SMYD2: variants seen among roughly 807,000 people sequenced by gnomAD.
SMYD2 encodes the protein N-lysine methyltransferase SMYD2.
In SMYD2, 53 loss-of-function variants were observed where a neutral mutation model predicts 59.1. That is an observed-to-expected ratio of 0.90 (90% confidence interval 0.72 to 1.13). The LOEUF (loss-of-function observed/expected upper bound fraction) is 1.13, where lower values mean the gene tolerates loss of function less well. Ranked by LOEUF, SMYD2 falls within the 50% of genes most tolerant of loss-of-function variation. The probability of loss-of-function intolerance (pLI) is 0.00; values close to 1 mark genes in which losing one functional copy is unlikely to be tolerated. For synonymous variants in SMYD2, 208 were observed against 198.8 expected (o/e 1.05, Z -0.39); for missense variants, 494 against 544.7 (o/e 0.91, Z 0.93).
At position 214,336,878 on chromosome 1, in the gene SMYD2, CTG is replaced by C; in HGVS notation, c.*96_*97del. On this transcript the variant is annotated 3_prime_UTR_variant, in exon 12 of 12. Coordinates refer to ENST00000366957, the MANE Select transcript of SMYD2 (RefSeq NM_020197.3). ...AATTGCACACGTCACTCCAGCATCT[CTG>C]TAAAATAATTGGAATGAAAATACTT... 9.3e-7 allele frequency: 1 copy of C among 1,077,246 alleles called. No individual in the cohort carries two copies. Among genetic ancestry groups the C allele is most frequent in the Non-Finnish European group, 1.3e-6 (1 of 751,536 alleles). 66.7% of individuals were successfully genotyped at this position (1,077,246 alleles called of 1,614,324 possible). A position where few individuals can be genotyped will look rare whatever the true frequency, so the allele number is the denominator to read the frequency against.
At position 214,318,277 on chromosome 1, in the gene SMYD2, C is replaced by T; in HGVS notation, c.409+138C>T. The T allele has an allele frequency of 1.3e-6, 1 of 773,586 alleles. No individual in the cohort carries two copies. Among genetic ancestry groups the T allele is most frequent in the Non-Finnish European group, 2.0e-6 (1 of 492,312 alleles). The allele number at this position is 773,586 out of a possible 1,614,324, so 47.9% of individuals were successfully genotyped here. On this transcript the variant is annotated intron_variant, in intron 4 of 11. Coordinates refer to ENST00000366957, the MANE Select transcript of SMYD2 (RefSeq NM_020197.3). This position sits in a 1 kb window ranked among gnomAD's most constrained non-coding sequence, Gnocchi z 5.4. ...TTGATTACTAGTTTTTATTTTTACT[C>T]TTGTGCTGTTTCGAAAAGCACTTTT... is the stretch of plus-strand genomic sequence containing the variant.
Position 214,319,002 on chromosome 1 carries a change from G to C in SMYD2, c.534+19G>C. The stretch of plus-strand genomic sequence containing the variant: ...TGCACAGGTAAGGACGCTGGCAGCA[G>C]GTAACACTCAGTCTGGCCTTTCCCT... On this transcript the variant is annotated intron_variant, in intron 5 of 11. Coordinates refer to ENST00000366957, the MANE Select transcript of SMYD2 (RefSeq NM_020197.3). 6.2e-7 allele frequency: 1 copy of C among 1,612,650 alleles called. No individual in the cohort carries two copies. Among genetic ancestry groups the C allele is most frequent in the Non-Finnish European group, 8.5e-7 (1 of 1,179,326 alleles).
intron 2 of SMYD2, among the ~76,000 whole-genome samples, chr1:214,314,258 G>A (rs1657045262): frequency 6.6e-6 from 1 of 152,112 alleles, no homozygotes; most frequent in Non-Finnish European, 1.5e-5. Flanking sequence ...AATCTTTCCA[G>A]TGGTTGCCCT....
At chr1:214,304,603 G>C (rs1056589683) in intron 1 of SMYD2, among the ~76,000 whole-genome samples, 7 of 145,736 alleles carry the variant, frequency 4.8e-5, no homozygotes, top group African/African-American at 1.8e-4. Flanking sequence ...CCACTTGCTA[G>C]GTTGCACTTT....
At chr1:214,305,282 A>C (rs1310674112) in intron 2 of SMYD2, 32 bp downstream of exon 2, 5 of 1,598,694 alleles carry the variant, frequency 3.1e-6, no homozygotes, top group African/African-American at 2.7e-5. Context: ...GGGAGGGCCT[A>C]ATTTCCTCTG....
At position 214,332,212 on chromosome 1, in the gene SMYD2, T is replaced by C; in HGVS notation, c.1112+20T>C. ...CTACAGGTGATTGCAGAGGCTGTTC[T>C]AATCATCCACGGAGTGGAATTTGGT... On this transcript the variant is annotated intron_variant, in intron 10 of 11. Transcript: ENST00000366957. 1 of 1,612,206 alleles carries C rather than the reference T, an allele frequency of 6.2e-7. No homozygotes were observed. Among genetic ancestry groups the C allele is most frequent in the Admixed American group, 1.7e-5 (1 of 59,814 alleles).
At chr1:214,324,200 G>A (rs1484201731) in intron 5 of SMYD2, among the ~76,000 whole-genome samples, 1 of 152,224 alleles carries the variant, frequency 6.6e-6, no homozygotes, top group Non-Finnish European at 1.5e-5. Context: ...GCTTCCTAAA[G>A]TGCTGAGATT....
Position 214,317,970 on chromosome 1 carries a change from C to T in SMYD2, c.349-109C>T, listed in dbSNP as rs1329783754. Reference sequence around the variant, plus strand: ...GTCCTTGAGTAGCTTGTTTTACTTCCTTAAGAATTGTTACTTTTTCTTTAT... The same window carrying T: ...GTCCTTGAGTAGCTTGTTTTACTTCTTTAAGAATTGTTACTTTTTCTTTAT... On this transcript the variant is annotated intron_variant, in intron 3 of 11. Coordinates refer to ENST00000366957, the MANE Select transcript of SMYD2 (RefSeq NM_020197.3). The T allele has an allele frequency of 2.8e-6, 3 of 1,071,554 alleles. No homozygotes were observed. In the African/African-American group the frequency reaches 4.7e-5, roughly 17 times the overall value. 66.4% of individuals were successfully genotyped at this position (1,071,554 alleles called of 1,614,324 possible).
intron 2 of SMYD2, 57 bp from the exon 3 acceptor site, chr1:214,314,705 A>G: frequency 7.4e-7 from 1 of 1,358,178 alleles, no homozygotes; most frequent in Non-Finnish European, 1.0e-6. Flanking sequence ...CTCTCCTCTC[A>G]CACTTTATTC....
In SMYD2 at chr1:214,318,035, T is replaced by G. The variant is rs1657112123; in HGVS notation, c.349-44T>G. 6.5e-7 allele frequency: 1 copy of G among 1,550,080 alleles called. No homozygotes were observed. Among genetic ancestry groups the G allele is most frequent in the African/African-American group, 1.4e-5 (1 of 73,438 alleles). On this transcript the variant is annotated intron_variant, in intron 3 of 11. Coordinates refer to ENST00000366957, the MANE Select transcript of SMYD2 (RefSeq NM_020197.3). This position sits in a 1 kb window ranked among gnomAD's most constrained non-coding sequence, Gnocchi z 5.4. ...GAAAGTGCCACTTTATTACACTGGT[T>G]GTTAAAAAATCTGTATCTGTGTGAT...
chr1:214,316,043 T>C (rs979727256), intron 3 of SMYD2, among the ~76,000 whole-genome samples: 1 of 152,190 alleles, frequency 6.6e-6, no homozygotes, highest in African/African-American at 2.4e-5. Flanking sequence ...GAAAATGCCA[T>C]AGAACTTGTC....
At position 214,281,169 on chromosome 1, in the gene SMYD2, C is replaced by G. The variant is rs553870594; in HGVS notation, c.-86C>G. ...CGCCGGGCGGCTCCCACCCCGCCCCCCGCAGCTCTAGGTGACGCGTCTCCA... is the reference window on the plus strand; with the variant it reads ...CGCCGGGCGGCTCCCACCCCGCCCCGCGCAGCTCTAGGTGACGCGTCTCCA... On this transcript the variant is annotated 5_prime_UTR_variant, in exon 1 of 12. Coordinates refer to ENST00000366957, the MANE Select transcript of SMYD2 (RefSeq NM_020197.3). 1.9e-6 allele frequency: 2 copies of G among 1,056,198 alleles called. No individual in the cohort carries two copies. Among genetic ancestry groups the G allele is most frequent in the East Asian group, 7.0e-5 (2 of 28,452 alleles). 65.4% of individuals were successfully genotyped at this position (1,056,198 alleles called of 1,614,324 possible). A position where few individuals can be genotyped will look rare whatever the true frequency, so the allele number is the denominator to read the frequency against.
At chr1:214,303,435 C>T (rs1266763282) in intron 1 of SMYD2, among the ~76,000 whole-genome samples, 2 of 152,150 alleles carry the variant, frequency 1.3e-5, no homozygotes, top group Non-Finnish European at 2.9e-5. Context: ...AGTCAGAGTT[C>T]AGTCCCTTCA....
At chr1:214,335,129 A>G (rs1270003339) in intron 11 of SMYD2, among the ~76,000 whole-genome samples, 1 of 152,208 alleles carries the variant, frequency 6.6e-6, no homozygotes, top group Admixed American at 6.5e-5. Context: ...CCTGTAAGAA[A>G]CTTTATAAAA....
At position 214,281,214 on chromosome 1, in the gene SMYD2, C is replaced by G; in HGVS notation, c.-41C>G. On this transcript the variant is annotated 5_prime_UTR_variant, in exon 1 of 12. Transcript: ENST00000366957. ...TCTCCAATAACAGCTCGCCGGGAGC[C>G]GCAGCTCGGGCACAGCCGGCGGCCG... 1 of 1,219,228 alleles carries G rather than the reference C, an allele frequency of 8.2e-7. No individual in the cohort carries two copies. The highest frequency in any genetic ancestry group is 1.0e-6 in the Non-Finnish European group (1 of 975,444). The allele number at this position is 1,219,228 out of a possible 1,614,324, so 75.5% of individuals were successfully genotyped here. A position where few individuals can be genotyped will look rare whatever the true frequency, so the allele number is the denominator to read the frequency against.
chr1:214,335,463 C>T (rs1372727163), intron 11 of SMYD2, among the ~76,000 whole-genome samples: 3 of 152,266 alleles, frequency 2.0e-5, no homozygotes, highest in African/African-American at 7.2e-5. Context: ...AGGTGATTTC[C>T]GAAGGCTTGC....
chr1:214,326,557 C>G (rs556819424), intron 6 of SMYD2, among the ~76,000 whole-genome samples: 5 of 152,226 alleles, frequency 3.3e-5, no homozygotes, highest in African/African-American at 7.2e-5. Flanking sequence ...TGGCCCTCCC[C>G]GAGGTCAAGA....
chr1:214,283,579 G>T (rs2102449979), intron 1 of SMYD2, among the ~76,000 whole-genome samples: 1 of 152,232 alleles, frequency 6.6e-6, no homozygotes, highest in East Asian at 1.9e-4. Flanking sequence ...TTTACTATTA[G>T]TGGTTAGGTC....
intron 1 of SMYD2, among the ~76,000 whole-genome samples, chr1:214,293,549 C>T (rs1656672450): frequency 6.6e-6 from 1 of 152,212 alleles, no homozygotes; most frequent in African/African-American, 2.4e-5. Context: ...ACTTCTGTAT[C>T]TTCAAAGAGC....
Sources: gnomAD v4.1 joint callset for allele counts (sites outside exome capture counted in the v4.1 genomes callset) on GRCh38, gnomAD v4.1.1 for gene constraint, Gnocchi (gnomAD v3.1) non-coding constraint, MANE v1.5 for transcripts, NCBI Gene and HGNC (gene_info 2026-07-23, HGNC 2026-07-21) for gene names.